Variants in TRPV6 observed in about 807,000 individuals in gnomAD.
The protein encoded by TRPV6 is Alu-binding protein with zinc finger domain.
Under a neutral mutation model 79.0 loss-of-function variants are expected in TRPV6, and 39 were observed. The observed-to-expected ratio is 0.49, with a 90% CI of 0.38 to 0.64. The LOEUF is 0.64. Ranked by LOEUF, TRPV6 falls within the 30% of genes least tolerant of loss-of-function variation. The probability of loss-of-function intolerance (pLI) is 0.00; values close to 1 mark genes in which losing one functional copy is unlikely to be tolerated. For synonymous variants in TRPV6, 373 were observed against 391.9 expected, an observed-to-expected ratio of 0.95 and a Z score of 0.57; for missense variants, 813 against 1,011.1, an observed-to-expected ratio of 0.80 and a Z score of 2.66.
rs141591359 is a variant in TRPV6, at chr7:142,877,370, G to T, written c.470-91C>A. On this transcript the variant is annotated intron_variant, in intron 3 of 14. Coordinates refer to ENST00000359396, the MANE Select transcript of TRPV6 (RefSeq NM_018646.6). Reference sequence around the variant, plus strand: ...TGCACCCCAGTCTCTTTCCCTCAGGGGTAGCCTGGGATGGAGAACAGGGAG... The same window carrying T: ...TGCACCCCAGTCTCTTTCCCTCAGGTGTAGCCTGGGATGGAGAACAGGGAG... 5.1e-5 allele frequency: 80 copies of T among 1,561,314 alleles called. No individual in the cohort carries two copies. The African/African-American group carries it at 9.6e-4, about 19-fold the overall frequency.
chr7:142,876,886 G>A, intron 4 of TRPV6, 49 bp from the exon 5 acceptor site: 1 of 1,603,482 alleles, frequency 6.2e-7, no homozygotes, highest in South Asian at 1.1e-5. Flanking sequence ...ATGGCAGGAT[G>A]GGGTGGACAG....
chr7:142,881,254 G>A (rs1288476306), intron 1 of TRPV6: 1 of 152,148 alleles, frequency 6.6e-6, no homozygotes, highest in African/African-American at 2.4e-5. Context: ...ACTTATCACA[G>A]GAGTTTAGAT....
chr7:142,877,291 A>G lies in TRPV6; in HGVS notation c.470-12T>C. 1 of 1,612,628 alleles carries G rather than the reference A, an allele frequency of 6.2e-7. No individual in the cohort carries two copies. The highest frequency in any genetic ancestry group is 1.3e-5 in the African/African-American group (1 of 75,018). Reference sequence around the variant, plus strand: ...CAGTGCAGTCTGACCTGGCCCAGAGACAGCTGTCAGTCACGGGTCTGTCCC... The same window carrying G: ...CAGTGCAGTCTGACCTGGCCCAGAGGCAGCTGTCAGTCACGGGTCTGTCCC... On this transcript the variant is annotated splice_polypyrimidine_tract_variant and intron_variant, in intron 3 of 14. Coordinates refer to ENST00000359396, the MANE Select transcript of TRPV6 (RefSeq NM_018646.6).
chr7:142,877,415 C>G (rs920402036), intron 3 of TRPV6, 136 bp from the exon 4 acceptor site: 1 of 1,488,646 alleles, frequency 6.7e-7, no homozygotes, highest in Admixed American at 2.3e-5. Context: ...GTTCAGGATT[C>G]CCAGGGGATC....
intron 1 of TRPV6, chr7:142,882,135 C>G (rs1409255103): frequency 6.6e-6 from 1 of 152,218 alleles, no homozygotes; most frequent in Non-Finnish European, 1.5e-5. Context: ...TCCACAAATA[C>G]CTTTCCCACC....
intron 10 of TRPV6, 47 bp from the exon 11 acceptor site, chr7:142,874,703 C>A: frequency 6.3e-7 from 1 of 1,592,514 alleles, no homozygotes; most frequent in Admixed American, 1.8e-5. Context: ...TGGGATGATC[C>A]TGGGGACCTG....
chr7:142,878,262 C>A (rs4987649), intron 1 of TRPV6: 498,843 of 577,416 alleles, frequency 0.86, 221,252 homozygotes, highest in East Asian at 0.98. Flanking sequence ...GACTGGTTTC[C>A]TTCCCCCCTA....
rs762794156 is a variant in TRPV6, at chr7:142,872,502, A to C, written c.1909-24T>G. On this transcript the variant is annotated intron_variant, in intron 13 of 14. Coordinates refer to ENST00000359396, the MANE Select transcript of TRPV6 (RefSeq NM_018646.6). The stretch of plus-strand genomic sequence containing the variant: ...ATCTGCGTATGGGAACAAAAGGAGA[A>C]GTCAGAGATGAGGCTGGGCGCAGAC... The C allele has an allele frequency of 1.5e-4, 234 of 1,602,854 alleles. 1 individual carries two copies. In the South Asian group the frequency reaches 2.2e-3, roughly 15 times the overall value.
chr7:142,881,662 A>G (rs1795194416), intron 1 of TRPV6: 1 of 152,240 alleles, frequency 6.6e-6, no homozygotes, highest in Admixed American at 6.5e-5. Flanking sequence ...TGAACGGTCT[A>G]GTTCAACATT....
chr7:142,883,500 G>A (rs1394147908), intron 1 of TRPV6: 6 of 152,166 alleles, frequency 3.9e-5, no homozygotes, highest in African/African-American at 1.4e-4. Flanking sequence ...CCATTCATAG[G>A]GGGATAACAG....
In TRPV6 at chr7:142,875,805, C is replaced by T. The variant is rs374668600; in HGVS notation, c.982G>A (p.Asp328Asn). Reference sequence around the variant, plus strand: ...ATAAGTTCCAGCAGGGACTGCTCATCCCCTGAGGAGTCGATCTCTGTGAGG... The same window carrying T: ...ATAAGTTCCAGCAGGGACTGCTCATTCCCTGAGGAGTCGATCTCTGTGAGG... Residue 328 changes from aspartate to asparagine, a missense_variant, in exon 7 of 15, where the codon GAT becomes AAT. Physicochemically the swap from Asp to Asn is conservative, Grantham distance 23. Around this residue, in one of 3 missense-constraint regions of TRPV6, gnomAD observed 555 missense variants for 631.0 expected, o/e 0.88. Transcript: ENST00000359396. The T allele has an allele frequency of 6.2e-7, 1 of 1,612,018 alleles. No individual in the cohort carries two copies. The highest frequency in any genetic ancestry group is 8.5e-7 in the Non-Finnish European group (1 of 1,178,824).
At position 142,876,813 on chromosome 7, in the gene TRPV6, G is replaced by C. The variant is rs759826747; in HGVS notation, c.632C>G (p.Ala211Gly). 3.9e-5 allele frequency: 63 copies of C among 1,613,996 alleles called. No individual in the cohort carries two copies. In the South Asian group the frequency reaches 6.8e-4, roughly 17 times the overall value. ...CACGATCTCCTCACTGTTCACACAGGCAGCAAAGGACAAAGGGTGCTCCCC... is the reference window on the plus strand; with the variant it reads ...CACGATCTCCTCACTGTTCACACAGCCAGCAAAGGACAAAGGGTGCTCCCC... Residue 211 changes from alanine to glycine, a missense_variant, in exon 5 of 15, where the codon GCC becomes GGC. Coordinates refer to ENST00000359396, the MANE Select transcript of TRPV6 (RefSeq NM_018646.6).
rs749877598 is a variant in TRPV6 at position 142,875,179 on chromosome 7, G to A, written c.1243-15C>T. Reference sequence around the variant, plus strand: ...ATGTAGGCTTCCTAATGGGGGAGAAGAACAGTCAAAATGCTCAGGGCTTTC... The same window carrying A: ...ATGTAGGCTTCCTAATGGGGGAGAAAAACAGTCAAAATGCTCAGGGCTTTC... On this transcript the variant is annotated splice_polypyrimidine_tract_variant and intron_variant, in intron 8 of 14. Transcript: ENST00000359396. 5 of 1,613,870 alleles carry A rather than the reference G, an allele frequency of 3.1e-6. No individual in the cohort carries two copies. The highest frequency in any genetic ancestry group is 4.2e-6 in the Non-Finnish European group (5 of 1,179,890).
chr7:142,872,080 C>T lies in TRPV6; in HGVS notation c.2016-91G>A. 14 of 1,487,608 alleles carry T rather than the reference C, an allele frequency of 9.4e-6. 1 individual carries two copies. Among genetic ancestry groups the T allele is most frequent in the Middle Eastern group, 2.5e-4 (1 of 3,942 alleles). The allele number at this position is 1,487,608 out of a possible 1,614,324, so 92.2% of individuals were successfully genotyped here. A position where few individuals can be genotyped will look rare whatever the true frequency, so the allele number is the denominator to read the frequency against. On this transcript the variant is annotated intron_variant, in intron 14 of 14. Transcript: ENST00000359396. ...GTCTGTTATCCCCTGGTCCTCCCAT[C>T]CCCGCCATTGCTGGCCTTTTCCCTT...
Position 142,872,678 on chromosome 7 carries a change from C to G in TRPV6, c.1909-200G>C, listed in dbSNP as rs1011927629. 3.9e-5 allele frequency among the ~76,000 whole-genome samples: 6 copies of G among 152,152 alleles called. 1 individual carries two copies. ...AAGACAGGAAGCAGAAGCCCCATTC[C>G]CAGGAGCACAGGCACCAGAGAAAGC... On this transcript the variant is annotated intron_variant, in intron 13 of 14. Transcript: ENST00000359396.
At chr7:142,880,419 G>T (rs998407464) in intron 1 of TRPV6, 1 of 152,118 alleles carries the variant, frequency 6.6e-6, no homozygotes, top group Non-Finnish European at 1.5e-5. Flanking sequence ...AAGGGTACTC[G>T]AGGGAAGAGA....
intron 3 of TRPV6, 24 bp downstream of exon 3, chr7:142,877,627 C>A: frequency 6.2e-7 from 1 of 1,610,322 alleles, no homozygotes; most frequent in Non-Finnish European, 8.5e-7. Context: ...TCCTGCTCTT[C>A]ACCCCAGACC....
Position 142,874,158 on chromosome 7 carries a change from G to A in TRPV6, c.1573-16C>T, listed in dbSNP as rs1268960039. 6.2e-7 allele frequency: 1 copy of A among 1,612,334 alleles called. No homozygotes were observed. The highest frequency in any genetic ancestry group is 8.5e-7 in the Non-Finnish European group (1 of 1,179,156). Reference sequence around the variant, plus strand: ...CAAAAATCATCTAGAAGGAGCAGGAGGCAGAGAACATCTGCACACATTCCC... The same window carrying A: ...CAAAAATCATCTAGAAGGAGCAGGAAGCAGAGAACATCTGCACACATTCCC... On this transcript the variant is annotated splice_polypyrimidine_tract_variant and intron_variant, in intron 11 of 14. Transcript: ENST00000359396.
At position 142,885,304 on chromosome 7, in the gene TRPV6, AC is replaced by A. The variant is rs1795282081; in HGVS notation, c.248+84del. On this transcript the variant is annotated intron_variant, in intron 1 of 14. Transcript: ENST00000359396. Reference sequence around the variant, plus strand: ...CCATCTGTCCAGCCAAAGGTGCCAAACAAAGACGGGAGGTGAGGGAGGGGTG... The same window carrying A: ...CCATCTGTCCAGCCAAAGGTGCCAAAAAAGACGGGAGGTGAGGGAGGGGTG... The A allele has an allele frequency of 4.0e-6, 6 of 1,483,918 alleles. No individual in the cohort carries two copies. The Admixed American group carries it at 1.1e-4, about 26-fold the overall frequency. 91.9% of individuals were successfully genotyped at this position (1,483,918 alleles called of 1,614,324 possible). A position where few individuals can be genotyped will look rare whatever the true frequency, so the allele number is the denominator to read the frequency against.
Sources: allele counts gnomAD v4.1 joint callset (sites outside exome capture counted in the v4.1 genomes callset), GRCh38; gene constraint gnomAD v4.1.1; regional missense constraint gnomAD v4.1.1; transcripts MANE v1.5; gene names NCBI Gene and HGNC (gene_info 2026-07-23, HGNC 2026-07-21).